The following TOP2B variants were observed in gnomAD, a reference collection of about 807,000 sequenced individuals.
TOP2B encodes the protein DNA topoisomerase 2-beta.
TOP2B carries 51 observed loss-of-function variants against 193.5 expected under a neutral mutation model. That is an observed-to-expected ratio of 0.26 (90% CI 0.21 to 0.33). The LOEUF is 0.33. Ranked by LOEUF, TOP2B falls within the 10% of genes least tolerant of loss-of-function variation. TOP2B has a pLI of 1.00. For synonymous variants in TOP2B, 634 were observed against 635.7 expected (o/e 1.00, Z 0.04); for missense variants, 1,378 against 1,909.3 (o/e 0.72, Z 5.19).
Position 25,607,321 on chromosome 3 carries a change from TCAG to T in TOP2B, c.4145_4147del (p.Ala1382del). 1 of 1,552,108 alleles carries T rather than the reference TCAG, an allele frequency of 6.4e-7. No homozygotes were observed. Among genetic ancestry groups the T allele is most frequent in the Non-Finnish European group, 8.7e-7 (1 of 1,146,648 alleles). On this transcript the variant is annotated inframe_deletion, in exon 31 of 36. Transcript: ENST00000264331. ...ATCATTATTGTCATCATCATCATCATCAGCATCATCATCCTCTTCTTCTGAGAA... is the reference window on the plus strand; with the variant it reads ...ATCATTATTGTCATCATCATCATCATCATCATCATCCTCTTCTTCTGAGAA...
At chr3:25,660,570 T>C (rs1039447550) in intron 1 of TOP2B, among the ~76,000 whole-genome samples, 2 of 152,134 alleles carry the variant, frequency 1.3e-5, no homozygotes, top group African/African-American at 2.4e-5. Context: ...AAGGCAAATA[T>C]GTAAAGACAA....
chr3:25,618,385 C>A, intron 25 of TOP2B, 33 bp downstream of exon 25: 1 of 1,534,536 alleles, frequency 6.5e-7, no homozygotes, highest in South Asian at 1.1e-5. Flanking sequence ...CTTTTAAAAG[C>A]TTCTCTGAAT....
chr3:25,598,675 C>G (rs890607060), intron 35 of TOP2B, among the ~76,000 whole-genome samples, 198 bp from the exon 36 acceptor site: 4 of 152,172 alleles, frequency 2.6e-5, no homozygotes, highest in African/African-American at 9.7e-5. Flanking sequence ...TACAGTAATT[C>G]ACCACCTTGG....
chr3:25,630,952 G>T lies in TOP2B; in HGVS notation c.1267-13C>A, dbSNP rs201465735. The T allele has an allele frequency of 8.3e-6, 13 of 1,571,066 alleles. No homozygotes were observed. Among genetic ancestry groups the T allele is most frequent in the Middle Eastern group, 1.7e-4 (1 of 5,848 alleles). ...CACAATTAGAGGCCTAAAAATAAAA[G>T]AATAATGGTATACAAACAAGCTGAA... On this transcript the variant is annotated splice_polypyrimidine_tract_variant and intron_variant, in intron 10 of 35. Transcript: ENST00000264331.
At chr3:25,639,307 G>A (rs942334569) in intron 4 of TOP2B, among the ~76,000 whole-genome samples, 7 of 152,040 alleles carry the variant, frequency 4.6e-5, no homozygotes, top group Admixed American at 3.9e-4. Context: ...TGCTTTCCAC[G>A]TTTGTTTTTG....
chr3:25,648,681 T>C (rs76636250), intron 1 of TOP2B, among the ~76,000 whole-genome samples: 2,724 of 151,912 alleles, frequency 0.018, 39 homozygotes, highest in Middle Eastern at 0.044. Context: ...CATGGCCAAA[T>C]CTTATCTCTA....
chr3:25,629,530 T>C (rs370018663), intron 13 of TOP2B, among the ~76,000 whole-genome samples: 7 of 152,242 alleles, frequency 4.6e-5, no homozygotes, highest in African/African-American at 1.7e-4. Flanking sequence ...ATTGGAAAAT[T>C]TCTGCTTAAA....
chr3:25,624,427 T>G lies in TOP2B; in HGVS notation c.2365A>C (p.Ile789Leu), dbSNP rs765406415. ...ACAAAGTTCTGAGCCAAATTCACAATAGTCATCATCAATGCTTGCTATACA... is the reference window on the plus strand; with the variant it reads ...ACAAAGTTCTGAGCCAAATTCACAAGAGTCATCATCAATGCTTGCTATACA... ...HHGEQALMMT[I>L]VNLAQNFVGS... The change falls in exon 20 of 36, where the codon ATT becomes CTT. Residue 789 changes from isoleucine to leucine, a missense_variant. Ile to Leu is a conservative substitution (Grantham distance 5). Transcript: ENST00000264331. 3.1e-6 allele frequency: 5 copies of G among 1,613,762 alleles called. No homozygotes were observed. In the African/African-American group the frequency reaches 6.7e-5, roughly 22 times the overall value.
chr3:25,631,595 T>C (rs1702959885), intron 10 of TOP2B, among the ~76,000 whole-genome samples: 1 of 152,062 alleles, frequency 6.6e-6, no homozygotes, highest in Non-Finnish European at 1.5e-5. Context: ...AAAACAGTTT[T>C]CTGGAATGTT....
chr3:25,651,062 T>A (rs1703573075), intron 1 of TOP2B, among the ~76,000 whole-genome samples: 1 of 152,304 alleles, frequency 6.6e-6, no homozygotes, highest in South Asian at 2.1e-4. Flanking sequence ...AATTTTGAAA[T>A]CCATGCATAG....
intron 18 of TOP2B, 106 bp downstream of exon 18, chr3:25,626,454 G>T: frequency 1.6e-6 from 1 of 609,714 alleles, no homozygotes; most frequent in Non-Finnish European, 2.7e-6. Context: ...TCATATACAA[G>T]ATTTAAAGTA....
chr3:25,663,212 T>C (rs1703968945), intron 1 of TOP2B, among the ~76,000 whole-genome samples: 2 of 152,196 alleles, frequency 1.3e-5, no homozygotes, highest in African/African-American at 4.8e-5. Flanking sequence ...CAAATTGCTA[T>C]TCAACTCACC....
rs138349086 is a variant in TOP2B, at chr3:25,632,309, A to G, written c.1266+137T>C. The G allele has an allele frequency of 1.1e-3, 784 of 706,790 alleles. 5 individuals carry two copies. In the African/African-American group the frequency reaches 0.013, roughly 12 times the overall value. The allele number at this position is 706,790 out of a possible 1,614,324, so 43.8% of individuals were successfully genotyped here. A position where few individuals can be genotyped will look rare whatever the true frequency, so the allele number is the denominator to read the frequency against. On this transcript the variant is annotated intron_variant, in intron 10 of 35. Transcript: ENST00000264331. ...ACCCTTTAAAGTTATCAAATTAAGC[A>G]TATTAGTTTGTAGTGCAAGCATGCT...
In TOP2B at chr3:25,604,752, G is replaced by A. The variant is rs1252368980; in HGVS notation, c.4489+8C>T. 14 of 1,589,140 alleles carry A rather than the reference G, an allele frequency of 8.8e-6. No homozygotes were observed. The highest frequency in any genetic ancestry group is 1.7e-4 in the Middle Eastern group (1 of 6,024). ...CAATGCTTAACTCAATCAAATATAA[G>A]TACATACCCTTTTTAGCAGCTACCG... On this transcript the variant is annotated splice_region_variant and intron_variant, in intron 33 of 35. Transcript: ENST00000264331.
At chr3:25,618,921 A>T in intron 23 of TOP2B, 72 bp from the exon 24 acceptor site, 3 of 1,140,284 alleles carry the variant, frequency 2.6e-6, no homozygotes, top group Non-Finnish European at 3.6e-6. Flanking sequence ...AACATCTACA[A>T]TACTTAAAAT....
At chr3:25,603,878 C>A (rs1433086404) in intron 33 of TOP2B, among the ~76,000 whole-genome samples, 1 of 152,140 alleles carries the variant, frequency 6.6e-6, no homozygotes, top group Non-Finnish European at 1.5e-5. Context: ...CAGCTGGGAG[C>A]AGGGGGGTGT....
chr3:25,660,159 G>T (rs985298982), intron 1 of TOP2B, among the ~76,000 whole-genome samples: 2 of 152,164 alleles, frequency 1.3e-5, no homozygotes, highest in Non-Finnish European at 2.9e-5. Context: ...GCTATATCAT[G>T]TACTTGAGAA....
intron 1 of TOP2B, among the ~76,000 whole-genome samples, chr3:25,662,092 C>T (rs1455450998): frequency 6.6e-6 from 1 of 152,322 alleles, no homozygotes; most frequent in East Asian, 1.9e-4. Context: ...TTTGAGTGTG[C>T]ATTTCTTGAA....
chr3:25,663,035 A>G (rs73155382), intron 1 of TOP2B, among the ~76,000 whole-genome samples: 12 of 152,250 alleles, frequency 7.9e-5, no homozygotes, highest in African/African-American at 2.9e-4. Context: ...GTCCCTTCAT[A>G]CTTTCATTCT....
Sources: gnomAD v4.1 joint callset for allele counts (sites outside exome capture counted in the v4.1 genomes callset) on GRCh38, gnomAD v4.1.1 for gene constraint, MANE v1.5 for transcripts, NCBI Gene and HGNC (gene_info 2026-07-23, HGNC 2026-07-21) for gene names.